Variants in GRHL2 observed in about 807,000 individuals in gnomAD.
GRHL2 encodes the protein grainyhead like transcription factor 2, also known as grainyhead-like protein 2 homolog.
A neutral mutation model predicts 83.8 loss-of-function variants in GRHL2; 21 were observed. That is an observed-to-expected ratio of 0.25 (90% confidence interval 0.18 to 0.36). The LOEUF is 0.36. Ranked by LOEUF, GRHL2 falls within the 10% of genes least tolerant of loss-of-function variation. GRHL2 has a pLI of 1.00. For missense variants in GRHL2, 623 were observed against 781.8 expected, an observed-to-expected ratio of 0.80 and a Z score of 2.42; for synonymous variants, 280 against 278.9, an observed-to-expected ratio of 1.00 and a Z score of -0.04.
chr8:101,596,194 A>C lies in GRHL2; in HGVS notation c.1004-2863A>C, dbSNP rs553786196. ...AGTGAAGAAATACAAAGAGTCAAAA[A>C]CAAAATGAAAGATGGTTCAACCTCT... On this transcript the variant is annotated intron_variant, in intron 7 of 15. Coordinates refer to ENST00000646743, the MANE Select transcript of GRHL2 (RefSeq NM_024915.4). Among the ~76,000 whole-genome samples, 4 of 152,246 alleles carry C rather than the reference A, an allele frequency of 2.6e-5. No homozygotes were observed. In the East Asian group the frequency reaches 7.7e-4, roughly 29 times the overall value.
chr8:101,568,069 A>C (rs974800155), intron 4 of GRHL2, among the ~76,000 whole-genome samples: 3 of 152,250 alleles, frequency 2.0e-5, no homozygotes, highest in African/African-American at 7.2e-5. Context: ...CAGCCTGTCC[A>C]GTAGAGCTTT....
chr8:101,626,093 A>G (rs1202321481), intron 9 of GRHL2, among the ~76,000 whole-genome samples: 1 of 152,082 alleles, frequency 6.6e-6, no homozygotes, highest in Non-Finnish European at 1.5e-5. Context: ...TTTAATTTTT[A>G]TACTTTTCAA....
At chr8:101,548,076 C>T (rs1167776445) in intron 2 of GRHL2, among the ~76,000 whole-genome samples, 1 of 152,224 alleles carries the variant, frequency 6.6e-6, no homozygotes, top group Non-Finnish European at 1.5e-5. Context: ...CAGTTGGTTT[C>T]TATCTGTTCT....
At chr8:101,601,117 G>A (rs931819990) in intron 8 of GRHL2, among the ~76,000 whole-genome samples, 1 of 151,644 alleles carries the variant, frequency 6.6e-6, no homozygotes, top group Non-Finnish European at 1.5e-5. Flanking sequence ...CCATGATCAT[G>A]CCACTGTACT....
At chr8:101,598,924 C>T in intron 7 of GRHL2, 133 bp from the exon 8 acceptor site, 1 of 690,688 alleles carries the variant, frequency 1.4e-6, no homozygotes, top group Non-Finnish European at 2.6e-6. Flanking sequence ...AGCACCAGTC[C>T]TTAACTGTTA....
chr8:101,593,495 G>C (rs532851609), intron 7 of GRHL2, among the ~76,000 whole-genome samples: 1 of 152,092 alleles, frequency 6.6e-6, no homozygotes, highest in East Asian at 1.9e-4. Flanking sequence ...TTTATAATTC[G>C]TTTAAAGCGG....
At chr8:101,629,940 A>G (rs1040065306) in intron 9 of GRHL2, among the ~76,000 whole-genome samples, 2 of 152,120 alleles carry the variant, frequency 1.3e-5, no homozygotes, top group African/African-American at 4.8e-5. Flanking sequence ...GTGAATTTCC[A>G]TGATCTGCAA....
At chr8:101,509,172 T>TTCTTTTTCTTTCTTTTCTCTC (rs1554581582) in intron 1 of GRHL2, among the ~76,000 whole-genome samples, 1 of 86,524 alleles carries the variant, frequency 1.2e-5, no homozygotes, top group Non-Finnish European at 2.9e-5. Context: ...CTTTCTTTCT[T>TTCTTTTTCTTTCTTTTCTCTC]TTTCTTTCTT....
chr8:101,570,161 C>T (rs757863891), intron 4 of GRHL2, among the ~76,000 whole-genome samples, 178 bp from the exon 5 acceptor site: 4 of 152,176 alleles, frequency 2.6e-5, no homozygotes, highest in Non-Finnish European at 5.9e-5. Flanking sequence ...GTGTAGCTCT[C>T]AGTGAGGAGG....
chr8:101,540,549 C>G (rs1981361), intron 1 of GRHL2, among the ~76,000 whole-genome samples: 6 of 152,018 alleles, frequency 3.9e-5, no homozygotes, highest in African/African-American at 1.5e-4. Context: ...GCCTAGCGAC[C>G]GGAATTCCAC....
chr8:101,538,629 A>G (rs1468356868), intron 1 of GRHL2, among the ~76,000 whole-genome samples: 1 of 152,230 alleles, frequency 6.6e-6, no homozygotes, highest in Non-Finnish European at 1.5e-5. Flanking sequence ...GGACCAGAGC[A>G]GAATTAGAAT....
chr8:101,652,359 GTGTGTGTGTGTCTGA>G (rs1813652102), intron 14 of GRHL2, among the ~76,000 whole-genome samples: 2 of 54,084 alleles, frequency 3.7e-5, no homozygotes, highest in Admixed American at 2.1e-4. Context: ...GGTGTGTGTG[GTGTGTGTGTGTCTGA>G]TGTGTGTGTG....
chr8:101,649,227 T>C (rs933952665), intron 13 of GRHL2, among the ~76,000 whole-genome samples, 187 bp from the exon 14 acceptor site: 1 of 152,222 alleles, frequency 6.6e-6, no homozygotes, highest in Admixed American at 6.5e-5. Flanking sequence ...TCACAGTCCC[T>C]AGCCACAGGT....
intron 8 of GRHL2, among the ~76,000 whole-genome samples, chr8:101,607,115 A>C (rs956749175): frequency 6.6e-6 from 1 of 151,964 alleles, no homozygotes; most frequent in Non-Finnish European, 1.5e-5. Context: ...CCTTCCCTCT[A>C]TCTCTCTTCC....
chr8:101,619,761 T>C, intron 9 of GRHL2, 64 bp downstream of exon 9: 1 of 1,267,590 alleles, frequency 7.9e-7, no homozygotes, highest in Non-Finnish European at 1.1e-6. Flanking sequence ...TTTAATGGCA[T>C]TTCTTCCTTG....
In GRHL2 at chr8:101,612,520, G is replaced by GATAGATAGATAGATACATACATAC. The variant is rs371662487; in HGVS notation, c.1099-7016_1099-7015insGATAGATAGATACATACATACATA. Among the ~76,000 whole-genome samples the GATAGATAGATAGATACATACATAC allele has an allele frequency of 3.7e-4, 46 of 123,770 alleles. 2 individuals are homozygous for GATAGATAGATAGATACATACATAC. The highest frequency in any genetic ancestry group is 6.3e-4 in the African/African-American group (19 of 30,002). 81.2% of individuals were successfully genotyped at this position (123,770 alleles called of 152,430 possible). A position where few individuals can be genotyped will look rare whatever the true frequency, so the allele number is the denominator to read the frequency against. ...AGATAGATAGATAGATAGATAGATA[G>GATAGATAGATAGATACATACATAC]ATACATACATACATACATACATACA... On this transcript the variant is annotated intron_variant, in intron 8 of 15. Transcript: ENST00000646743.
chr8:101,495,353 A>G (rs769841039), intron 1 of GRHL2, among the ~76,000 whole-genome samples: 3 of 152,236 alleles, frequency 2.0e-5, no homozygotes, highest in Non-Finnish European at 2.9e-5. Context: ...CTGAAGTAGC[A>G]TCGTCTTTTT....
At chr8:101,610,579 G>A (rs919536439) in intron 8 of GRHL2, among the ~76,000 whole-genome samples, 4 of 150,732 alleles carry the variant, frequency 2.7e-5, no homozygotes, top group Non-Finnish European at 5.9e-5. Flanking sequence ...AAATTCTTTC[G>A]ATTTTCATGA....
chr8:101,600,412 G>A (rs530202783), intron 8 of GRHL2, among the ~76,000 whole-genome samples: 3 of 152,340 alleles, frequency 2.0e-5, no homozygotes, highest in South Asian at 4.1e-4. Context: ...TCGGCTACCC[G>A]AGCCCCGTTC....
Sources: gnomAD v4.1 joint callset for allele counts (sites outside exome capture counted in the v4.1 genomes callset) on GRCh38, gnomAD v4.1.1 for gene constraint, MANE v1.5 for transcripts, NCBI Gene and HGNC (gene_info 2026-07-23, HGNC 2026-07-21) for gene names.